SUPT3H: variants seen among roughly 807,000 people sequenced by gnomAD.
SUPT3H encodes SPT3 homolog, SAGA and STAGA complex component, also known as transcription initiation protein SPT3 homolog.
Under a neutral mutation model 44.3 loss-of-function variants are expected in SUPT3H, and 44 were observed. That is an observed-to-expected ratio of 0.99 (90% CI 0.78 to 1.28). The LOEUF is 1.28. Among genes scored for constraint, SUPT3H ranks in the 50% most tolerant of loss-of-function variants. The pLI, the probability that SUPT3H is intolerant of heterozygous loss-of-function variation, is 0.00. For synonymous variants in SUPT3H, 124 were observed against 125.6 expected (o/e 0.99, Z 0.09); for missense variants, 380 against 387.1 (o/e 0.98, Z 0.15).
chr6:45,333,155 T>C (rs1286286896), intron 2 of SUPT3H, among the ~76,000 whole-genome samples: 1 of 151,730 alleles, frequency 6.6e-6, no homozygotes, highest in Non-Finnish European at 1.5e-5. Context: ...TAATGAAATT[T>C]TATGCCTTAA....
At chr6:44,936,792 C>T (rs928718504) in intron 9 of SUPT3H, among the ~76,000 whole-genome samples, 7 of 152,098 alleles carry the variant, frequency 4.6e-5, no homozygotes, top group African/African-American at 1.4e-4. Flanking sequence ...ATAAGCCACC[C>T]AAATAGCTGG....
intron 2 of SUPT3H, among the ~76,000 whole-genome samples, chr6:45,167,462 C>T (rs904369194): frequency 6.6e-6 from 1 of 152,142 alleles, no homozygotes; most frequent in Non-Finnish European, 1.5e-5. Context: ...TATTAAGAAA[C>T]CTTTTTGAAG....
At chr6:45,014,371 T>G (rs1783934488) in intron 5 of SUPT3H, among the ~76,000 whole-genome samples, 1 of 152,100 alleles carries the variant, frequency 6.6e-6, no homozygotes, top group South Asian at 2.1e-4. Context: ...ATCAAGTGCT[T>G]TTCATATATT....
At chr6:45,277,389 C>A (rs148673691) in intron 2 of SUPT3H, among the ~76,000 whole-genome samples, 1 of 152,064 alleles carries the variant, frequency 6.6e-6, no homozygotes, top group South Asian at 2.1e-4. Flanking sequence ...AATAAACGTA[C>A]AGGTTTATAT....
intron 3 of SUPT3H, among the ~76,000 whole-genome samples, chr6:45,046,254 T>C (rs551208756): frequency 6.6e-6 from 1 of 152,320 alleles, no homozygotes; most frequent in East Asian, 1.9e-4. Context: ...TGTCTTTATA[T>C]CTGCATTTCT....
At chr6:44,869,332 T>A (rs1561922891) in intron 10 of SUPT3H, among the ~76,000 whole-genome samples, 1 of 152,278 alleles carries the variant, frequency 6.6e-6, no homozygotes, top group East Asian at 1.9e-4. Context: ...TGGGAGTTCA[T>A]TTCAAGGGAC....
intron 3 of SUPT3H, chr6:45,098,933 G>C (rs1324749319): frequency 2.0e-6 from 1 of 502,018 alleles, no homozygotes; most frequent in Non-Finnish European, 4.0e-6. Context: ...CAAGCATCCA[G>C]AGGAAAAGAA....
rs1453743504 is a variant in SUPT3H at position 45,014,805 on chromosome 6, GAGA to G, written c.357_359del (p.Leu120del). On this transcript the variant is annotated inframe_deletion, in exon 5 of 11. Transcript: ENST00000371459. ...TTTGTGTTTTGTTTTGGTTACCTTC[GAGA>G]AGATCATCCTCATCGATGCCTTTGA... The G allele has an allele frequency of 7.6e-6, 12 of 1,581,376 alleles. No homozygotes were observed. The highest frequency in any genetic ancestry group is 1.4e-5 in the African/African-American group (1 of 73,612).
chr6:45,139,077 C>T (rs1188342211), intron 2 of SUPT3H, among the ~76,000 whole-genome samples: 1 of 152,106 alleles, frequency 6.6e-6, no homozygotes. Flanking sequence ...AAAGTCTACC[C>T]CCCTTTTAAG....
intron 10 of SUPT3H, among the ~76,000 whole-genome samples, chr6:44,920,383 G>C (rs1768495174): frequency 6.6e-6 from 1 of 151,966 alleles, no homozygotes. Flanking sequence ...ACCAGTCCGG[G>C]CAAGAGAGTG....
intron 2 of SUPT3H, among the ~76,000 whole-genome samples, chr6:45,345,841 T>C (rs1051469631): frequency 6.6e-6 from 1 of 152,152 alleles, no homozygotes; most frequent in African/African-American, 2.4e-5. Flanking sequence ...TTGCCACATT[T>C]TGATACTAAT....
chr6:44,943,181 G>T (rs1002446467), intron 9 of SUPT3H, among the ~76,000 whole-genome samples: 16 of 148,666 alleles, frequency 1.1e-4, no homozygotes, highest in African/African-American at 2.4e-5. Context: ...TAGATAAATG[G>T]AAACTATAAA....
At chr6:44,853,267 T>C (rs910410617) in intron 10 of SUPT3H, among the ~76,000 whole-genome samples, 8 of 152,174 alleles carry the variant, frequency 5.3e-5, no homozygotes, top group African/African-American at 1.9e-4. Flanking sequence ...ACCTAGGCAG[T>C]TGCTCCACAA....
chr6:45,296,189 C>CACACACACACACACAT (rs1166469168), intron 2 of SUPT3H, among the ~76,000 whole-genome samples: 10 of 129,280 alleles, frequency 7.7e-5, no homozygotes, highest in Non-Finnish European at 1.7e-4. Flanking sequence ...ACATACTACA[C>CACACACACACACACAT]ACACACACAC....
chr6:44,939,542 G>A (rs867321259), intron 9 of SUPT3H, among the ~76,000 whole-genome samples: 2 of 152,010 alleles, frequency 1.3e-5, no homozygotes, highest in African/African-American at 4.8e-5. Flanking sequence ...TTGTGTCCTT[G>A]CCTGGTTTGG....
In SUPT3H at chr6:44,815,466, A is replaced by T. The variant is rs539173996; in HGVS notation, c.*53-5965T>A. Among the ~76,000 whole-genome samples, 250 of 152,304 alleles carry T rather than the reference A, an allele frequency of 1.6e-3. 1 individual carries two copies. Among genetic ancestry groups the T allele is most frequent in the African/African-American group, 5.7e-3 (238 of 41,570 alleles). On this transcript the variant is annotated intron_variant and NMD_transcript_variant, in intron 11 of 11. Transcript: ENST00000475057. ...GGCTATCAGTGAAAAAGATACTTTA[A>T]ATAAAAGTAAAGGATGAAAAAATAT...
intron 2 of SUPT3H, among the ~76,000 whole-genome samples, chr6:45,147,269 A>C (rs1028576207): frequency 6.6e-6 from 1 of 152,136 alleles, no homozygotes; most frequent in Non-Finnish European, 1.5e-5. Flanking sequence ...TCGTTTTAGA[A>C]AAAAAGAAAA....
chr6:45,239,644 C>T (rs1404232257), intron 2 of SUPT3H, among the ~76,000 whole-genome samples: 1 of 152,216 alleles, frequency 6.6e-6, no homozygotes, highest in Non-Finnish European at 1.5e-5. Context: ...GGAGAGTCTT[C>T]TGCCTGTGTT....
chr6:45,289,828 G>A (rs1361884760), intron 2 of SUPT3H, among the ~76,000 whole-genome samples: 1 of 152,132 alleles, frequency 6.6e-6, no homozygotes, highest in South Asian at 2.1e-4. Context: ...ACGTCAGCTG[G>A]TAACACTAGT....
Sources: allele counts gnomAD v4.1 joint callset (sites outside exome capture counted in the v4.1 genomes callset), GRCh38; gene constraint gnomAD v4.1.1; transcripts MANE v1.5; gene names NCBI Gene and HGNC (gene_info 2026-07-23, HGNC 2026-07-21).